MSRA: variants seen among roughly 807,000 people sequenced by gnomAD.
MSRA encodes mitochondrial peptide methionine sulfoxide reductase.
MSRA carries 54 observed loss-of-function variants against 31.3 expected under a neutral mutation model. The observed-to-expected ratio is 1.73, with a 90% confidence interval of 1.39 to 2.17. MSRA has a LOEUF of 2.17. Ranked by LOEUF, MSRA falls within the 30% of genes most tolerant of loss-of-function variation. The pLI is 0.00. For synonymous variants in MSRA, 169 were observed against 116.5 expected (o/e 1.45, Z -2.90); for missense variants, 507 against 300.9 (o/e 1.69, Z -5.07).
chr8:10,110,712 A>T (rs1300780532), intron 1 of MSRA, among the ~76,000 whole-genome samples: 1 of 152,120 alleles, frequency 6.6e-6, no homozygotes, highest in East Asian at 1.9e-4. Flanking sequence ...AGGCTGGCTG[A>T]CCTGTGCTGT....
intron 4 of MSRA, among the ~76,000 whole-genome samples, chr8:10,309,902 G>A (rs373980284): frequency 1.3e-5 from 2 of 152,298 alleles, no homozygotes; most frequent in African/African-American, 4.8e-5. Flanking sequence ...GTTGGCTCCC[G>A]AGCCTCTTTC....
chr8:10,232,785 A>G (rs1408505107), intron 2 of MSRA, among the ~76,000 whole-genome samples: 1 of 152,244 alleles, frequency 6.6e-6, no homozygotes, highest in African/African-American at 2.4e-5. Flanking sequence ...GTAATTCTAA[A>G]TAAAAACAAT....
intron 3 of MSRA, among the ~76,000 whole-genome samples, chr8:10,292,992 A>C (rs1563317843): frequency 6.6e-6 from 1 of 152,090 alleles, no homozygotes; most frequent in Admixed American, 6.5e-5. Flanking sequence ...AGGTGTGGAG[A>C]AGCAGCAAGG....
intron 5 of MSRA, among the ~76,000 whole-genome samples, chr8:10,332,048 C>T (rs2129144508): frequency 6.6e-6 from 1 of 152,280 alleles, no homozygotes; most frequent in Non-Finnish European, 1.5e-5. Context: ...AAATTTCCAA[C>T]CATAGTTACA....
intron 1 of MSRA, among the ~76,000 whole-genome samples, chr8:10,129,575 C>G (rs1801749081): frequency 6.6e-6 from 1 of 151,974 alleles, no homozygotes; most frequent in African/African-American, 2.4e-5. Context: ...AAGACCAGCT[C>G]AGGAGGAGGC....
intron 2 of MSRA, among the ~76,000 whole-genome samples, chr8:10,220,636 T>G (rs115033867): frequency 3.9e-5 from 6 of 152,224 alleles, no homozygotes; most frequent in African/African-American, 1.4e-4. Context: ...TTTCCTAATT[T>G]CCATAATTCT....
At chr8:10,406,921 C>T (rs1019993082) in intron 5 of MSRA, among the ~76,000 whole-genome samples, 3 of 152,226 alleles carry the variant, frequency 2.0e-5, no homozygotes, top group Non-Finnish European at 4.4e-5. Flanking sequence ...GGCATGATCT[C>T]AGCTGCCTGT....
At chr8:10,356,049 C>T (rs888238026) in intron 5 of MSRA, among the ~76,000 whole-genome samples, 3 of 152,212 alleles carry the variant, frequency 2.0e-5, no homozygotes, top group Non-Finnish European at 4.4e-5. Context: ...GTGCCATCGA[C>T]CTGAAGGCCC....
At chr8:10,062,354 A>C (rs574925895) in intron 1 of MSRA, among the ~76,000 whole-genome samples, 2 of 152,328 alleles carry the variant, frequency 1.3e-5, no homozygotes, top group African/African-American at 4.8e-5. Flanking sequence ...ATGATGAATG[A>C]AAGTTGTGGA....
At chr8:10,296,353 A>C (rs999617964) in intron 3 of MSRA, among the ~76,000 whole-genome samples, 1 of 152,214 alleles carries the variant, frequency 6.6e-6, no homozygotes, top group Non-Finnish European at 1.5e-5. Flanking sequence ...GGTTAATAGC[A>C]ATAACAATAG....
intron 5 of MSRA, among the ~76,000 whole-genome samples, chr8:10,402,002 C>T (rs1807496537): frequency 6.6e-6 from 1 of 152,140 alleles, no homozygotes. Flanking sequence ...TGTAAATGTA[C>T]TTAATGCATT....
At chr8:10,070,880 A>G (rs1432230845) in intron 1 of MSRA, among the ~76,000 whole-genome samples, 1 of 152,174 alleles carries the variant, frequency 6.6e-6, no homozygotes, top group East Asian at 1.9e-4. Context: ...TGGATGTACC[A>G]CAGTTTAACC....
At chr8:10,325,413 A>G (rs1451780349) in intron 5 of MSRA, among the ~76,000 whole-genome samples, 1 of 152,174 alleles carries the variant, frequency 6.6e-6, no homozygotes, top group Non-Finnish European at 1.5e-5. Context: ...CCAACAGAGT[A>G]CTTACTAAAT....
At chr8:10,163,099 G>A (rs546077108) in intron 1 of MSRA, among the ~76,000 whole-genome samples, 18 of 152,264 alleles carry the variant, frequency 1.2e-4, no homozygotes, top group African/African-American at 3.6e-4. Context: ...CACCATGGGA[G>A]GACACAATGG....
At chr8:10,093,191 C>A (rs1798944187) in intron 1 of MSRA, among the ~76,000 whole-genome samples, 1 of 152,032 alleles carries the variant, frequency 6.6e-6, no homozygotes, top group Admixed American at 6.6e-5. Flanking sequence ...AAGTTTAATG[C>A]AATTACTGAT....
intron 5 of MSRA, among the ~76,000 whole-genome samples, chr8:10,392,730 C>T (rs1306137396): frequency 4.0e-5 from 6 of 149,522 alleles, no homozygotes; most frequent in Middle Eastern, 6.9e-3. Context: ...ATTAGCTGAT[C>T]GCTAAGGTGC....
intron 5 of MSRA, among the ~76,000 whole-genome samples, chr8:10,321,488 C>T (rs993203730): frequency 2.0e-5 from 3 of 152,086 alleles, no homozygotes; most frequent in Non-Finnish European, 2.9e-5. Flanking sequence ...CCACCTCCCT[C>T]CCAGGGTGAT....
intron 4 of MSRA, among the ~76,000 whole-genome samples, chr8:10,314,524 A>G (rs1409133595): frequency 6.6e-6 from 1 of 152,264 alleles, no homozygotes; most frequent in Non-Finnish European, 1.5e-5. Flanking sequence ...GCAAGCATTT[A>G]GAGCTCCAGG....
At chr8:10,151,352 GA>G (rs1803658634) in intron 1 of MSRA, among the ~76,000 whole-genome samples, 1 of 151,554 alleles carries the variant, frequency 6.6e-6, no homozygotes, top group South Asian at 2.1e-4. Context: ...ACAGGAAATA[GA>G]GAACAGCAGG....
Sources: allele counts gnomAD v4.1 joint callset (sites outside exome capture counted in the v4.1 genomes callset), GRCh38; gene constraint gnomAD v4.1.1; transcripts MANE v1.5; gene names NCBI Gene and HGNC (gene_info 2026-07-23, HGNC 2026-07-21).